DRD3: variants seen among roughly 807,000 people sequenced by gnomAD.
The protein encoded by DRD3 is D(3) dopamine receptor.
Under a neutral mutation model 36.3 loss-of-function variants are expected in DRD3, and 19 were observed. That is an observed-to-expected ratio of 0.52 (90% CI 0.36 to 0.77). DRD3 has a LOEUF of 0.77. Ranked by LOEUF, DRD3 falls within the 30% of genes least tolerant of loss-of-function variation. The probability of loss-of-function intolerance (pLI) is 0.00; values close to 1 mark genes in which losing one functional copy is unlikely to be tolerated. For missense variants in DRD3, 465 were observed against 505.3 expected (o/e 0.92, Z 0.77); for synonymous variants, 195 against 203.7 (o/e 0.96, Z 0.36).
chr3:114,136,908 C>T (rs190229970), intron 5 of DRD3, among the ~76,000 whole-genome samples: 116 of 152,304 alleles, frequency 7.6e-4, no homozygotes, highest in Admixed American at 1.4e-3. Flanking sequence ...ATTTTCCTTT[C>T]TCTGCCTGGT....
intron 4 of DRD3, among the ~76,000 whole-genome samples, chr3:114,145,896 G>A (rs893785686): frequency 1.6e-4 from 24 of 152,130 alleles, no homozygotes; most frequent in African/African-American, 5.6e-4. Context: ...TATTAAAAAT[G>A]TCTTAACTAA....
chr3:114,133,514 A>AT (rs766797651), intron 5 of DRD3, among the ~76,000 whole-genome samples: 3 of 20,292 alleles, frequency 1.5e-4, no homozygotes, highest in South Asian at 4.7e-3. Flanking sequence ...CATAATAGAA[A>AT]TTAAAAAAAA....
In DRD3 at chr3:114,147,506, G is replaced by C; in HGVS notation, c.435C>G (p.Ser145Arg). Reference protein sequence around the residue: ...PVHYQHGTGQSSCRRVALMIT... With the variant: ...PVHYQHGTGQRSCRRVALMIT... Reference sequence around the variant, plus strand: ...TCATGAGGGCCACGCGCCGACAGGAGCTCTGTCCCGTGCCATGCTGGTAGT... The same window carrying C: ...TCATGAGGGCCACGCGCCGACAGGACCTCTGTCCCGTGCCATGCTGGTAGT... Residue 145 changes from serine to arginine, a missense_variant, in exon 4 of 7, where the codon AGC becomes AGG. Physicochemically the swap from Ser to Arg is moderately radical, Grantham distance 110. Transcript: ENST00000383673. The C allele has an allele frequency of 6.2e-7, 1 of 1,614,156 alleles. No homozygotes were observed. Among genetic ancestry groups the C allele is most frequent in the Non-Finnish European group, 8.5e-7 (1 of 1,180,038 alleles).
intron 1 of DRD3, among the ~76,000 whole-genome samples, chr3:114,184,263 C>A (rs1192059819): frequency 6.6e-6 from 1 of 152,154 alleles, no homozygotes; most frequent in African/African-American, 2.4e-5. Flanking sequence ...TTTCTTCACT[C>A]TTTTTGGTTG....
In DRD3 at chr3:114,139,502, GC is replaced by G. The variant is rs1559983209; in HGVS notation, c.720del (p.Gln240HisfsTer13). The stretch of plus-strand genomic sequence containing the variant: ...TCTACCCCCTCCAGGGTACTTACTT[GC>G]TGGGGGAAGCCAGGCCTGACACTGT... ...QCNSVRPGFP[Q>X]QTLSPDPAHL... is the part of the protein sequence containing the mutation. On this transcript the variant is annotated frameshift_variant, in exon 5 of 7. Coordinates refer to ENST00000383673, the MANE Select transcript of DRD3 (RefSeq NM_000796.6). LOFTEE classifies it high-confidence loss of function. The G allele has an allele frequency of 1.2e-6, 2 of 1,613,108 alleles. No homozygotes were observed. The highest frequency in any genetic ancestry group is 1.7e-6 in the Non-Finnish European group (2 of 1,179,682).
At position 114,128,837 on chromosome 3, in the gene DRD3, GA is replaced by G. The variant is rs1373505328; in HGVS notation, c.1081del (p.Ser361ProfsTer14). The G allele has an allele frequency of 1.2e-6, 2 of 1,613,840 alleles. No individual in the cohort carries two copies. Among genetic ancestry groups the G allele is most frequent in the Non-Finnish European group, 1.7e-6 (2 of 1,179,958 alleles). ...TGTCGTGGCACTGTAAAGCTCTGGG[GA>G]CACGTGGCATGTCTGGCAGTGGGTA... Reference protein sequence around the residue: ...LNTHCQTCHVSPELYSATTWL... With the variant: ...LNTHCQTCHVXPELYSATTWL... On this transcript the variant is annotated frameshift_variant, in exon 7 of 7. Coordinates refer to ENST00000383673, the MANE Select transcript of DRD3 (RefSeq NM_000796.6). LOFTEE classifies it high-confidence loss of function.
At chr3:114,186,930 G>T (rs2077978955) in intron 1 of DRD3, among the ~76,000 whole-genome samples, 1 of 152,222 alleles carries the variant, frequency 6.6e-6, no homozygotes, top group Admixed American at 6.5e-5. Context: ...GTGTATAGAA[G>T]ATGGAAGATG....
At chr3:114,185,441 T>A (rs2077970119) in intron 1 of DRD3, among the ~76,000 whole-genome samples, 1 of 152,202 alleles carries the variant, frequency 6.6e-6, no homozygotes, top group Admixed American at 6.5e-5. Flanking sequence ...CTTCAGAATA[T>A]CTTTTTGGTT....
chr3:114,142,043 C>G (rs62267127), intron 4 of DRD3, among the ~76,000 whole-genome samples: 3,724 of 78,962 alleles, frequency 0.047, 73 homozygotes, highest in Non-Finnish European at 0.07. Flanking sequence ...GCGAGACTCT[C>G]TCTCAAAAAA....
intron 1 of DRD3, among the ~76,000 whole-genome samples, chr3:114,190,866 G>C (rs1375497499): frequency 2.0e-5 from 3 of 152,066 alleles, no homozygotes; most frequent in African/African-American, 7.2e-5. Context: ...CTTTTGAACA[G>C]TCAGAGCTGT....
rs186921998 is a variant in DRD3 at position 114,193,002 on chromosome 3, G to A, written c.-156+6271C>T. The stretch of plus-strand genomic sequence containing the variant: ...ACAAAACAAACAAAAAAAGAAGGCC[G>A]GGCCTGGTGGGTCATGCCTGTAATC... On this transcript the variant is annotated intron_variant, in intron 1 of 7. Transcript: ENST00000460779. Among the ~76,000 whole-genome samples, 5 of 152,214 alleles carry A rather than the reference G, an allele frequency of 3.3e-5. No homozygotes were observed. The East Asian group carries it at 5.8e-4, about 18-fold the overall frequency.
intron 2 of DRD3, among the ~76,000 whole-genome samples, chr3:114,164,301 C>T (rs1462221411): frequency 7.1e-6 from 1 of 140,984 alleles, no homozygotes; most frequent in Non-Finnish European, 1.5e-5. Flanking sequence ...ATGATTCTTT[C>T]TCCTGCATTC....
At chr3:114,134,432 A>G (rs1252543306) in intron 5 of DRD3, among the ~76,000 whole-genome samples, 2 of 151,804 alleles carry the variant, frequency 1.3e-5, no homozygotes, top group Non-Finnish European at 2.9e-5. Flanking sequence ...TTATTTATTT[A>G]TTCTTTAAGA....
At chr3:114,156,633 A>C (rs2077669808) in intron 3 of DRD3, among the ~76,000 whole-genome samples, 1 of 152,084 alleles carries the variant, frequency 6.6e-6, no homozygotes, top group East Asian at 1.9e-4. Flanking sequence ...AAAATCCCTC[A>C]GTGCCTCCTT....
At position 114,139,595 on chromosome 3, in the gene DRD3, T is replaced by C. The variant is rs757095737; in HGVS notation, c.628A>G (p.Arg210Gly). The change falls in exon 5 of 7, where the codon AGA becomes GGA. Residue 210 changes from arginine (R) to glycine (G), a missense_variant. Physicochemically the swap from Arg to Gly is moderately radical, Grantham distance 125. Transcript: ENST00000383673. ...CTTTGTTTCAGCACCACATAGATTC[T>C]GGCATAGACAAGGACAGTCACTCCA... ...PFGVTVLVYARIYVVLKQRRR... is the reference protein window; with the variant it reads ...PFGVTVLVYAGIYVVLKQRRR... The C allele has an allele frequency of 6.2e-7, 1 of 1,614,122 alleles. No individual in the cohort carries two copies. Among genetic ancestry groups the C allele is most frequent in the Non-Finnish European group, 8.5e-7 (1 of 1,180,034 alleles).
chr3:114,176,045 G>T (rs955973727), intron 1 of DRD3: 1 of 152,234 alleles, frequency 6.6e-6, no homozygotes, highest in Admixed American at 6.5e-5. Flanking sequence ...GGAACAGAGA[G>T]TTGTCAGGTC....
At chr3:114,130,464 G>A (rs1047813707) in intron 6 of DRD3, among the ~76,000 whole-genome samples, 20 of 135,856 alleles carry the variant, frequency 1.5e-4, no homozygotes, top group Non-Finnish European at 2.9e-4. Flanking sequence ...TTGCTCTGTC[G>A]CCCAGGCTGG....
At chr3:114,164,720 C>G (rs765775049) in intron 2 of DRD3, among the ~76,000 whole-genome samples, 2 of 152,110 alleles carry the variant, frequency 1.3e-5, no homozygotes, top group Non-Finnish European at 2.9e-5. Context: ...CTTCATGATC[C>G]CCTTCTCAGA....
chr3:114,164,220 C>CAAAAA lies in DRD3; in HGVS notation c.271-4358_271-4354dup, dbSNP rs34500434. Among the ~76,000 whole-genome samples the CAAAAA allele has an allele frequency of 5.5e-3, 98 of 17,776 alleles. 5 individuals carry two copies. The highest frequency in any genetic ancestry group is 9.6e-3 in the Non-Finnish European group (70 of 7,272). The allele number at this position is 17,776 out of a possible 152,430, so 11.7% of individuals were successfully genotyped here. ...TGGGTGATAGAGCGAGCCTCAGTCT[C>CAAAAA]AAAAAAAAAAAAAAAAAAAAAAAAA... is the stretch of plus-strand genomic sequence containing the variant. On this transcript the variant is annotated intron_variant, in intron 2 of 6. Transcript: ENST00000383673.
Sources: allele counts gnomAD v4.1 joint callset (sites outside exome capture counted in the v4.1 genomes callset), GRCh38; gene constraint gnomAD v4.1.1; transcripts MANE v1.5; gene names NCBI Gene and HGNC (gene_info 2026-07-23, HGNC 2026-07-21).